EPB41L1: variants seen among roughly 807,000 people sequenced by gnomAD.
EPB41L1 encodes erythrocyte membrane protein band 4.1 like 1.
Under a neutral mutation model 97.8 loss-of-function variants are expected in EPB41L1, and 29 were observed. The observed-to-expected ratio is 0.30, with a 90% confidence interval of 0.22 to 0.40. The LOEUF (loss-of-function observed/expected upper bound fraction) is 0.40, where lower values mean the gene tolerates loss of function less well. Among genes scored for constraint, EPB41L1 ranks in the 10% least tolerant of loss-of-function variants. The probability of loss-of-function intolerance (pLI) is 1.00; values close to 1 mark genes in which losing one functional copy is unlikely to be tolerated. For synonymous variants in EPB41L1, 383 were observed against 459.2 expected (o/e 0.83, Z 2.12); for missense variants, 812 against 1,162.3 (o/e 0.70, Z 4.38).
In EPB41L1 at chr20:36,182,464, G is replaced by A. The variant is rs115992786; in HGVS notation, c.566+117G>A. On this transcript the variant is annotated intron_variant, in intron 6 of 21. Transcript: ENST00000338074. The stretch of plus-strand genomic sequence containing the variant: ...GCAGCTGCAAATGCAGTCGCCTACC[G>A]AGGTCAGGCAGACAGCATCGTACAC... 2,717 of 1,118,398 alleles carry A rather than the reference G, an allele frequency of 2.4e-3. 49 individuals are homozygous for A. In the African/African-American group the frequency reaches 0.036, roughly 15 times the overall value. 69.3% of individuals were successfully genotyped at this position (1,118,398 alleles called of 1,614,324 possible).
intron 15 of EPB41L1, among the ~76,000 whole-genome samples, chr20:36,211,705 T>G (rs886342409): frequency 3.3e-5 from 5 of 152,032 alleles, no homozygotes; most frequent in African/African-American, 1.2e-4. Flanking sequence ...AATACAAAAG[T>G]TAGCCGGGTG....
At chr20:36,144,306 G>A (rs1475259433) in intron 2 of EPB41L1, among the ~76,000 whole-genome samples, 1 of 152,142 alleles carries the variant, frequency 6.6e-6, no homozygotes, top group Non-Finnish European at 1.5e-5. Context: ...CACACAGGAC[G>A]CCACCCTCCC....
At chr20:36,185,054 G>A (rs909444779) in intron 6 of EPB41L1, 63 bp from the exon 7 acceptor site, 2 of 1,529,674 alleles carry the variant, frequency 1.3e-6, no homozygotes, top group South Asian at 1.1e-5. Flanking sequence ...ATGGACAGCT[G>A]TGCTTGGGGG....
At position 36,190,881 on chromosome 20, in the gene EPB41L1, G is replaced by A; in HGVS notation, c.1300+84G>A. On this transcript the variant is annotated intron_variant, in intron 11 of 21. Coordinates refer to ENST00000338074, the MANE Select transcript of EPB41L1 (RefSeq NM_012156.2). The surrounding 1 kb of genome is among the most constrained non-coding windows in gnomAD (Gnocchi z 5.8). ...GGGCATGCTGGGTTCTGCAGAATGAGCAGGAAAATGGTAGATGCATCCCAA... is the reference window on the plus strand; with the variant it reads ...GGGCATGCTGGGTTCTGCAGAATGAACAGGAAAATGGTAGATGCATCCCAA... The A allele has an allele frequency of 6.4e-7, 1 of 1,553,022 alleles. No individual in the cohort carries two copies. The highest frequency in any genetic ancestry group is 8.7e-7 in the Non-Finnish European group (1 of 1,147,760).
chr20:36,114,007 A>G (rs2058505924), intron 2 of EPB41L1, among the ~76,000 whole-genome samples: 1 of 152,154 alleles, frequency 6.6e-6, no homozygotes, highest in Admixed American at 6.5e-5. Context: ...AATGTGAGAG[A>G]TAATAGACTT....
chr20:36,157,235 AG>A (rs2060346817), intron 1 of EPB41L1, among the ~76,000 whole-genome samples: 2 of 152,184 alleles, frequency 1.3e-5, no homozygotes, highest in Non-Finnish European at 2.9e-5. Flanking sequence ...AGAAAAAAAA[AG>A]GGCGGGGAGG....
At chr20:36,222,433 G>C (rs1168776464) in intron 21 of EPB41L1, 39 bp downstream of exon 21, 1 of 1,509,560 alleles carries the variant, frequency 6.6e-7, no homozygotes, top group South Asian at 1.1e-5. Flanking sequence ...AGAGAGAGGA[G>C]GGAGCAGTAG....
At chr20:36,141,976 CG>C (rs11352312) in intron 2 of EPB41L1, among the ~76,000 whole-genome samples, 53,585 of 151,452 alleles carry the variant, frequency 0.35, 11,888 homozygotes, top group African/African-American at 0.63. Flanking sequence ...GGCGTGGTGG[CG>C]GGGCACCTGT....
rs1365666194 is a variant in EPB41L1, at chr20:36,212,348, C to T, written c.2156C>T (p.Thr719Ile). The T allele has an allele frequency of 6.2e-7, 1 of 1,614,186 alleles. No individual in the cohort carries two copies. The highest frequency in any genetic ancestry group is 1.1e-5 in the South Asian group (1 of 91,082). Residue 719 changes from threonine to isoleucine, a missense_variant, in exon 16 of 22, where the codon ACC (threonine) becomes ATC (isoleucine). Thr to Ile is a moderately conservative substitution (Grantham distance 89). Transcript: ENST00000338074. This position sits in a 1 kb window ranked among gnomAD's most constrained non-coding sequence, Gnocchi z 4.8. ...ATTGAGCCGGAGGCCGTACTGCAGA[C>T]CAGAGTCTCCGCTATGGATAACACC... is the stretch of plus-strand genomic sequence containing the variant. Reference protein sequence around the residue: ...KKIEPEAVLQTRVSAMDNTQQ... With the variant: ...KKIEPEAVLQIRVSAMDNTQQ...
intron 2 of EPB41L1, among the ~76,000 whole-genome samples, chr20:36,127,162 C>A (rs1010618776): frequency 1.4e-4 from 21 of 152,226 alleles, no homozygotes; most frequent in Admixed American, 2.6e-4. Context: ...AGAGATATGA[C>A]TGAAGTTTCA....
intron 2 of EPB41L1, among the ~76,000 whole-genome samples, chr20:36,139,740 A>ATTTATTTATTTATTTATTTATTTT (rs943742073): frequency 1.3e-5 from 2 of 151,648 alleles, no homozygotes; most frequent in African/African-American, 4.9e-5. Flanking sequence ...TTATTTATTT[A>ATTTATTTATTTATTTATTTATTTT]TTTTTTTTAA....
At chr20:36,132,387 C>G (rs1569088604) in intron 2 of EPB41L1, among the ~76,000 whole-genome samples, 1 of 152,046 alleles carries the variant, frequency 6.6e-6, no homozygotes. Context: ...TCCTCCGATT[C>G]CCCCAAATCC....
chr20:36,194,510 T>G (rs1885481267), intron 12 of EPB41L1, 150 bp downstream of exon 12: 3 of 1,091,186 alleles, frequency 2.7e-6, no homozygotes, highest in Non-Finnish European at 4.0e-6. Flanking sequence ...CTTTGGGTCA[T>G]CTCTCAATAC....
intron 2 of EPB41L1, among the ~76,000 whole-genome samples, chr20:36,132,636 C>T (rs1431105750): frequency 6.6e-6 from 1 of 151,000 alleles, no homozygotes; most frequent in African/African-American, 2.4e-5. Flanking sequence ...GATTACTGGA[C>T]CCCCAGGTCC....
rs2064414065 is a variant in EPB41L1, at chr20:36,229,926, G to A, written c.*586G>A. On this transcript the variant is annotated 3_prime_UTR_variant, in exon 22 of 22. Coordinates refer to ENST00000338074, the MANE Select transcript of EPB41L1 (RefSeq NM_012156.2). Reference sequence around the variant, plus strand: ...AGAAAAAAAGAAAATTCCCCACTTGGAAAGAAAGAGGAGGAACACTGGATT... The same window carrying A: ...AGAAAAAAAGAAAATTCCCCACTTGAAAAGAAAGAGGAGGAACACTGGATT... 6.6e-6 allele frequency: 1 copy of A among 152,538 alleles called. No homozygotes were observed. Among genetic ancestry groups the A allele is most frequent in the Admixed American group, 6.5e-5 (1 of 15,272 alleles). The allele number at this position is 152,538 out of a possible 1,614,324, so 9.4% of individuals were successfully genotyped here.
chr20:36,206,475 T>C lies in EPB41L1; in HGVS notation c.1669-3013T>C. The C allele has an allele frequency of 1.6e-6, 2 of 1,289,800 alleles. No individual in the cohort carries two copies. Among genetic ancestry groups the C allele is most frequent in the Non-Finnish European group, 2.0e-6 (2 of 988,862 alleles). The allele number at this position is 1,289,800 out of a possible 1,614,324, so 79.9% of individuals were successfully genotyped here. A position where few individuals can be genotyped will look rare whatever the true frequency, so the allele number is the denominator to read the frequency against. On this transcript the variant is annotated intron_variant, in intron 14 of 21. Coordinates refer to ENST00000338074, the MANE Select transcript of EPB41L1 (RefSeq NM_012156.2). This position sits in a 1 kb window ranked among gnomAD's most constrained non-coding sequence, Gnocchi z 5.5. ...CTTCCTTTGCAGAGAGGAGCTTCTA[T>C]TTAAATTATGAAGAAAAAGACTCAG...
At chr20:36,132,642 G>C (rs539267359) in intron 2 of EPB41L1, among the ~76,000 whole-genome samples, 2 of 151,136 alleles carry the variant, frequency 1.3e-5, no homozygotes, top group Admixed American at 1.3e-4. Context: ...TGGACCCCCA[G>C]GTCCTGCTGG....
chr20:36,183,914 T>A (rs1024185469), intron 6 of EPB41L1, among the ~76,000 whole-genome samples: 5 of 152,100 alleles, frequency 3.3e-5, no homozygotes, highest in Non-Finnish European at 5.9e-5. Context: ...CACCAAGTAG[T>A]AAGAATTATT....
intron 2 of EPB41L1, among the ~76,000 whole-genome samples, chr20:36,114,496 C>T (rs1175019374): frequency 2.0e-5 from 3 of 152,082 alleles, no homozygotes; most frequent in African/African-American, 7.2e-5. Flanking sequence ...TCTGCTTGGC[C>T]CTGCCCATGG....
Sources: gnomAD v4.1 joint callset for allele counts (sites outside exome capture counted in the v4.1 genomes callset) on GRCh38, gnomAD v4.1.1 for gene constraint, Gnocchi (gnomAD v3.1) non-coding constraint, MANE v1.5 for transcripts, NCBI Gene and HGNC (gene_info 2026-07-23, HGNC 2026-07-21) for gene names.